Variants in AGPAT3 observed in about 807,000 individuals in gnomAD.
The protein encoded by AGPAT3 is 1-acylglycerol-3-phosphate O-acyltransferase 3, also known as 1-acyl-sn-glycerol-3-phosphate acyltransferase gamma.
In AGPAT3, 5 loss-of-function variants were observed where a neutral mutation model predicts 47.3. The observed-to-expected ratio is 0.11, with a 90% confidence interval of 0.06 to 0.22. AGPAT3 has a LOEUF of 0.22. AGPAT3 is among the 10% of genes least tolerant of loss of function. The pLI is 1.00. For missense variants in AGPAT3, 315 were observed against 493.0 expected (o/e 0.64, Z 3.42); for synonymous variants, 212 against 208.3 (o/e 1.02, Z -0.15).
At chr21:43,943,014 G>A (rs1313728489) in intron 2 of AGPAT3, among the ~76,000 whole-genome samples, 2 of 152,210 alleles carry the variant, frequency 1.3e-5, no homozygotes, top group Non-Finnish European at 2.9e-5. Flanking sequence ...AGGGAGGCCC[G>A]CTCCCCAGGG....
intron 2 of AGPAT3, among the ~76,000 whole-genome samples, chr21:43,918,221 G>GGTTGTGGGT (rs1013370393): frequency 5.3e-5 from 8 of 151,072 alleles, no homozygotes; most frequent in East Asian, 3.9e-4. Flanking sequence ...GTGTTGCGGC[G>GGTTGTGGGT]GTTGTGGGTG....
intron 3 of AGPAT3, among the ~76,000 whole-genome samples, chr21:43,963,998 G>A (rs2089005641): frequency 6.6e-6 from 1 of 152,036 alleles, no homozygotes; most frequent in Non-Finnish European, 1.5e-5. Context: ...GTTTCAGTAA[G>A]AACAAAAATT....
At chr21:43,900,602 C>G (rs1298547023) in intron 1 of AGPAT3, among the ~76,000 whole-genome samples, 2 of 152,144 alleles carry the variant, frequency 1.3e-5, no homozygotes, top group African/African-American at 4.8e-5. Context: ...AGAAACAGCT[C>G]TGGAGAGCTG....
chr21:43,899,595 C>T (rs1240943035), intron 1 of AGPAT3, among the ~76,000 whole-genome samples: 1 of 152,200 alleles, frequency 6.6e-6, no homozygotes, highest in East Asian at 1.9e-4. Context: ...GGAGGGAGCC[C>T]TGCTGCTTGG....
intron 1 of AGPAT3, among the ~76,000 whole-genome samples, chr21:43,897,511 C>G (rs901503575): frequency 2.6e-5 from 4 of 151,956 alleles, no homozygotes; most frequent in African/African-American, 9.7e-5. Context: ...GGTTCCCAGA[C>G]AGGGCGGCCG....
At chr21:43,881,147 A>G (rs2085846767) in intron 1 of AGPAT3, among the ~76,000 whole-genome samples, 1 of 152,216 alleles carries the variant, frequency 6.6e-6, no homozygotes, top group Non-Finnish European at 1.5e-5. Flanking sequence ...GTGGAAGAAA[A>G]AGAAAACTGA....
chr21:43,917,050 A>G (rs1302503813), intron 2 of AGPAT3, among the ~76,000 whole-genome samples: 1 of 152,044 alleles, frequency 6.6e-6, no homozygotes, highest in African/African-American at 2.4e-5. Flanking sequence ...TCCCAGAGCC[A>G]AGCTGTTTCC....
At chr21:43,881,613 T>C (rs887876666) in intron 1 of AGPAT3, among the ~76,000 whole-genome samples, 1 of 152,268 alleles carries the variant, frequency 6.6e-6, no homozygotes, top group Non-Finnish European at 1.5e-5. Flanking sequence ...TGGTTACACG[T>C]AGAAATGATA....
rs900850017 is a variant in AGPAT3, at chr21:43,939,765, G to A, written c.-48-19869G>A. On this transcript the variant is annotated intron_variant, in intron 2 of 9. Coordinates refer to ENST00000291572, the MANE Select transcript of AGPAT3 (RefSeq NM_020132.5). The surrounding 1 kb of genome is among the most constrained non-coding windows in gnomAD (Gnocchi z 4.4). ...CACAACCTGGCCCCTTGACACACTG[G>A]TGCTGTGAGGAGGAAGATGTGGGCA... Among the ~76,000 whole-genome samples, 3 of 152,210 alleles carry A rather than the reference G, an allele frequency of 2.0e-5. No individual in the cohort carries two copies. Among genetic ancestry groups the A allele is most frequent in the African/African-American group, 7.2e-5 (3 of 41,444 alleles).
rs1004383384 is a variant in AGPAT3, at chr21:43,920,220, T to TGA, written c.-49+16202_-49+16203insAG. ...ATGTCTTCAGCCCTGTGTGTGTGTG[T>TGA]GTGAGAGATTGTGAGTGAGTGTGTG... On this transcript the variant is annotated intron_variant, in intron 2 of 9. Transcript: ENST00000291572. This position sits in a 1 kb window ranked among gnomAD's most constrained non-coding sequence, Gnocchi z 6.1. Among the ~76,000 whole-genome samples the TGA allele has an allele frequency of 2.0e-5, 3 of 147,332 alleles. No homozygotes were observed. Among genetic ancestry groups the TGA allele is most frequent in the Non-Finnish European group, 3.0e-5 (2 of 67,484 alleles).
chr21:43,981,015 G>A lies in AGPAT3; in HGVS notation c.870G>A (p.Gln290=), dbSNP rs2089830456. 6.2e-7 allele frequency: 1 copy of A among 1,614,172 alleles called. No individual in the cohort carries two copies. Among genetic ancestry groups the A allele is most frequent in the Non-Finnish European group, 8.5e-7 (1 of 1,180,034 alleles). The part of the protein sequence containing the change: ...EKDALQEIYN[Q]KGMFPGEQFK... ...ACGCGCTCCAGGAGATATATAATCA[G>A]AAGGGCATGTTTCCAGGGGAGCAGT... is the stretch of plus-strand genomic sequence containing the variant. Residue 290 remains glutamine, a synonymous_variant, in exon 9 of 10, where the codon CAG becomes CAA. Coordinates refer to ENST00000291572, the MANE Select transcript of AGPAT3 (RefSeq NM_020132.5). The surrounding 1 kb of genome is among the most constrained non-coding windows in gnomAD (Gnocchi z 5.3).
At chr21:43,938,316 CTTTTTTTTTTT>C (rs57776186) in intron 2 of AGPAT3, among the ~76,000 whole-genome samples, 2 of 70,538 alleles carry the variant, frequency 2.8e-5, no homozygotes, top group Non-Finnish European at 5.2e-5. Flanking sequence ...ATCTGCAAAT[CTTTTTTTTTTT>C]TTTTTTTTTT....
In AGPAT3 at chr21:43,967,942, G is replaced by A. The variant is rs1168541909; in HGVS notation, c.179-4G>A. On this transcript the variant is annotated splice_polypyrimidine_tract_variant and splice_region_variant and intron_variant, in intron 3 of 9. Coordinates refer to ENST00000291572, the MANE Select transcript of AGPAT3 (RefSeq NM_020132.5). ...CAGTGCCAACGCCCTCCCCCTGTCC[G>A]CAGAACTGGTCATGCTGCTGGAGTG... is the stretch of plus-strand genomic sequence containing the variant. 9 of 1,613,448 alleles carry A rather than the reference G, an allele frequency of 5.6e-6. No individual in the cohort carries two copies. Among genetic ancestry groups the A allele is most frequent in the South Asian group, 2.2e-5 (2 of 91,038 alleles).
intron 1 of AGPAT3, among the ~76,000 whole-genome samples, chr21:43,870,368 C>T (rs2085598212): frequency 6.6e-6 from 1 of 152,138 alleles, no homozygotes. Flanking sequence ...ATTGCATTTT[C>T]CTGGAGCCCC....
rs1250527217 is a variant in AGPAT3, at chr21:43,934,940, CGCCACTCACAT to C, written c.-48-24678_-48-24668del. Reference sequence around the variant, plus strand: ...ACCTCTGCCCCTCACATGTCACCCACGCCACTCACATGCCACTCACATGCCATTGACACGCC... The same window carrying C: ...ACCTCTGCCCCTCACATGTCACCCACGCCACTCACATGCCATTGACACGCC... On this transcript the variant is annotated intron_variant, in intron 2 of 9. Transcript: ENST00000291572. The surrounding 1 kb of genome is among the most constrained non-coding windows in gnomAD (Gnocchi z 4.7). Among the ~76,000 whole-genome samples, 9 of 151,576 alleles carry C rather than the reference CGCCACTCACAT, an allele frequency of 5.9e-5. No homozygotes were observed. Among genetic ancestry groups the C allele is most frequent in the Admixed American group, 2.0e-4 (3 of 15,252 alleles).
intron 2 of AGPAT3, among the ~76,000 whole-genome samples, chr21:43,914,656 C>T (rs762009468): frequency 3.5e-4 from 53 of 151,822 alleles, no homozygotes; most frequent in Non-Finnish European, 7.1e-4. Flanking sequence ...CTCAAGCAGT[C>T]CTCCTGCCTC....
At chr21:43,936,473 G>T (rs546020448) in intron 2 of AGPAT3, among the ~76,000 whole-genome samples, 2 of 152,362 alleles carry the variant, frequency 1.3e-5, no homozygotes, top group South Asian at 4.1e-4. Context: ...AGAATGGCCT[G>T]GGAGTCAAAG....
At chr21:43,896,425 C>T (rs1194331008) in intron 1 of AGPAT3, among the ~76,000 whole-genome samples, 1 of 152,206 alleles carries the variant, frequency 6.6e-6, no homozygotes, top group Non-Finnish European at 1.5e-5. Context: ...GTGGTAGGGG[C>T]AGCATTGTGT....
intron 1 of AGPAT3, among the ~76,000 whole-genome samples, chr21:43,868,124 C>G (rs1305840899): frequency 1.3e-5 from 2 of 152,218 alleles, no homozygotes; most frequent in Non-Finnish European, 2.9e-5. Flanking sequence ...CAGGCAGTCT[C>G]ATAACCTTGG....
Sources: allele counts gnomAD v4.1 joint callset (sites outside exome capture counted in the v4.1 genomes callset), GRCh38; gene constraint gnomAD v4.1.1; non-coding constraint Gnocchi (gnomAD v3.1); transcripts MANE v1.5; gene names NCBI Gene and HGNC (gene_info 2026-07-23, HGNC 2026-07-21).